IL23R: variants seen among roughly 807,000 people sequenced by gnomAD.
IL23R encodes interleukin 23 receptor.
IL23R carries 34 observed loss-of-function variants against 56.9 expected under a neutral mutation model. The ratio of observed to expected loss-of-function variants is 0.60; its 90% CI spans 0.45 to 0.80. The LOEUF is 0.80. Ranked by LOEUF, IL23R falls within the 30% of genes least tolerant of loss-of-function variation. The pLI, the probability that IL23R is intolerant of heterozygous loss-of-function variation, is 0.00. For missense variants in IL23R, 635 were observed against 730.0 expected, an observed-to-expected ratio of 0.87 and a Z score of 1.50; for synonymous variants, 230 against 249.2, an observed-to-expected ratio of 0.92 and a Z score of 0.73.
At chr1:67,155,279 C>T (rs1201488232) in intron 1 of IL23R, among the ~76,000 whole-genome samples, 2 of 152,108 alleles carry the variant, frequency 1.3e-5, no homozygotes, top group African/African-American at 4.8e-5. Context: ...GGGGATTGAT[C>T]TTCTCATGGA....
At chr1:67,221,276 G>A (rs537323545) in intron 7 of IL23R, among the ~76,000 whole-genome samples, 11 of 151,244 alleles carry the variant, frequency 7.3e-5, no homozygotes, top group Admixed American at 3.9e-4. Context: ...AGCCGAGATC[G>A]CGCCACTGCA....
chr1:67,168,045 T>C, intron 1 of IL23R, 47 bp from the exon 2 acceptor site: 2 of 1,057,970 alleles, frequency 1.9e-6, no homozygotes, highest in Non-Finnish European at 1.5e-6. Flanking sequence ...TTTTTATTAT[T>C]TTACTAAAAT....
At position 67,167,319 on chromosome 1, in the gene IL23R, C is replaced by T. The variant is rs555087093; in HGVS notation, c.-29-773C>T. ...CTCCTGGGCTCAAGCAATCCACCGGCCTCTGCCTCCCAAAGTGCTGGGATT... is the reference window on the plus strand; with the variant it reads ...CTCCTGGGCTCAAGCAATCCACCGGTCTCTGCCTCCCAAAGTGCTGGGATT... On this transcript the variant is annotated intron_variant, in intron 1 of 10. Transcript: ENST00000347310. Among the ~76,000 whole-genome samples, 13 of 152,358 alleles carry T rather than the reference C, an allele frequency of 8.5e-5. No individual in the cohort carries two copies. The South Asian group carries it at 2.5e-3, about 29-fold the overall frequency.
intron 1 of IL23R, among the ~76,000 whole-genome samples, chr1:67,143,215 C>T (rs1366575720): frequency 3.9e-5 from 6 of 151,980 alleles, no homozygotes; most frequent in African/African-American, 1.5e-4. Context: ...TTAGACTGTT[C>T]GAAAATGAGT....
At chr1:67,246,405 G>A (rs1457951776) in intron 9 of IL23R, among the ~76,000 whole-genome samples, 1 of 152,108 alleles carries the variant, frequency 6.6e-6, no homozygotes, top group Non-Finnish European at 1.5e-5. Context: ...TGTGATGTTA[G>A]GGTGTCAATT....
At chr1:67,227,325 CAGGTTAAAGGCTTA>C (rs1570888437) in intron 7 of IL23R, among the ~76,000 whole-genome samples, 2 of 152,160 alleles carry the variant, frequency 1.3e-5, no homozygotes, top group East Asian at 3.9e-4. Context: ...CCTTTAATAA[CAGGTTAAAGGCTTA>C]AGGGAAGGGC....
At chr1:67,242,655 C>T (rs916152490) in intron 9 of IL23R, among the ~76,000 whole-genome samples, 2 of 152,088 alleles carry the variant, frequency 1.3e-5, no homozygotes, top group African/African-American at 2.4e-5. Flanking sequence ...CAAAGTTTTG[C>T]TGTAGTGTGG....
intron 7 of IL23R, among the ~76,000 whole-genome samples, chr1:67,232,875 T>C (rs1241616193): frequency 6.6e-6 from 1 of 151,938 alleles, no homozygotes; most frequent in Non-Finnish European, 1.5e-5. Context: ...GTTCTTGTGA[T>C]AGTAAGTTCT....
intron 3 of IL23R, among the ~76,000 whole-genome samples, chr1:67,180,191 T>C (rs879945810): frequency 1.3e-5 from 2 of 152,196 alleles, no homozygotes. Flanking sequence ...TTCTGTCTCG[T>C]TGATCTGTCT....
intron 4 of IL23R, among the ~76,000 whole-genome samples, chr1:67,196,746 G>C (rs1486593026): frequency 1.3e-5 from 2 of 152,092 alleles, no homozygotes; most frequent in Non-Finnish European, 2.9e-5. Context: ...AGGGAAAAAA[G>C]ATAACATAGG....
chr1:67,223,283 A>G (rs1158109090), intron 7 of IL23R, among the ~76,000 whole-genome samples: 1 of 152,192 alleles, frequency 6.6e-6, no homozygotes. Flanking sequence ...AGTAAAATAA[A>G]GATAAAAGTC....
intron 8 of IL23R, among the ~76,000 whole-genome samples, chr1:67,239,327 G>A (rs1386779699): frequency 2.6e-5 from 4 of 152,148 alleles, no homozygotes; most frequent in Non-Finnish European, 4.4e-5. Flanking sequence ...GCAGCGGCAC[G>A]ACCTCAGCTC....
At chr1:67,139,488 A>T (rs1002773098) in intron 1 of IL23R, among the ~76,000 whole-genome samples, 9 of 152,182 alleles carry the variant, frequency 5.9e-5, no homozygotes, top group African/African-American at 2.2e-4. Flanking sequence ...AAGAAAACTC[A>T]TATTCACAAA....
chr1:67,255,764 T>A (rs1022583259), intron 9 of IL23R, 73 bp from the exon 10 acceptor site: 2 of 803,070 alleles, frequency 2.5e-6, no homozygotes, highest in Non-Finnish European at 4.4e-6. Flanking sequence ...TTAATATACA[T>A]TTTATTCTAG....
intron 9 of IL23R, 46 bp downstream of exon 9, chr1:67,240,327 T>A: frequency 8.5e-7 from 1 of 1,177,186 alleles, no homozygotes; most frequent in Non-Finnish European, 1.3e-6. Context: ...ACTACATGTA[T>A]ATGTATCACC....
At chr1:67,174,240 C>T (rs79586983) in intron 3 of IL23R, among the ~76,000 whole-genome samples, 1 of 151,654 alleles carries the variant, frequency 6.6e-6, no homozygotes, top group East Asian at 1.9e-4. Context: ...AAGTGCTCTC[C>T]ATAAAGGCTG....
intron 1 of IL23R, among the ~76,000 whole-genome samples, chr1:67,152,201 G>A (rs1421331706): frequency 6.6e-6 from 1 of 152,040 alleles, no homozygotes; most frequent in East Asian, 1.9e-4. Context: ...TGTATTCCTA[G>A]GTATTTTATT....
chr1:67,195,517 T>C (rs1186968469), intron 4 of IL23R, among the ~76,000 whole-genome samples: 1 of 152,184 alleles, frequency 6.6e-6, no homozygotes, highest in Non-Finnish European at 1.5e-5. Flanking sequence ...TTACAACTTA[T>C]CAAGGGGCAG....
chr1:67,182,498 G>T (rs893582649), intron 3 of IL23R, among the ~76,000 whole-genome samples: 1 of 152,158 alleles, frequency 6.6e-6, no homozygotes, highest in Non-Finnish European at 1.5e-5. Flanking sequence ...TGCAGTATTA[G>T]GGTGGGAGTG....
Sources: gnomAD v4.1 joint callset for allele counts (sites outside exome capture counted in the v4.1 genomes callset) on GRCh38, gnomAD v4.1.1 for gene constraint, MANE v1.5 for transcripts, NCBI Gene and HGNC (gene_info 2026-07-23, HGNC 2026-07-21) for gene names.